Variants in NTM observed in about 807,000 individuals in gnomAD.
NTM encodes the protein neurotrimin.
A neutral mutation model predicts 42.1 loss-of-function variants in NTM; 13 were observed. That is an observed-to-expected ratio of 0.31 (90% CI 0.20 to 0.49). The LOEUF (loss-of-function observed/expected upper bound fraction) is 0.49. Ranked by LOEUF, NTM falls within the 20% of genes least tolerant of loss-of-function variation. The pLI is 0.99. For missense variants in NTM, 373 were observed against 452.8 expected, an observed-to-expected ratio of 0.82 and a Z score of 1.60; for synonymous variants, 187 against 179.2, an observed-to-expected ratio of 1.04 and a Z score of -0.35.
intron 1 of NTM, among the ~76,000 whole-genome samples, chr11:131,478,826 C>G (rs887669804): frequency 6.6e-6 from 1 of 152,252 alleles, no homozygotes; most frequent in Non-Finnish European, 1.5e-5. Context: ...GGCATCTCAG[C>G]TCTGTGAAAG....
chr11:131,829,550 T>C (rs2042551623), intron 1 of NTM, among the ~76,000 whole-genome samples: 1 of 152,206 alleles, frequency 6.6e-6, no homozygotes, highest in Non-Finnish European at 1.5e-5. Flanking sequence ...TATTCCATGG[T>C]GTATATGTAC....
At chr11:131,797,191 T>C (rs1287981387) in intron 1 of NTM, among the ~76,000 whole-genome samples, 2 of 152,210 alleles carry the variant, frequency 1.3e-5, no homozygotes, top group Non-Finnish European at 2.9e-5. Context: ...GTGAGGTATG[T>C]TTTTCGTTGT....
At chr11:132,312,817 A>G (rs1203406621) in intron 6 of NTM, 2 of 154,668 alleles carry the variant, frequency 1.3e-5, no homozygotes, top group Non-Finnish European at 2.9e-5. Flanking sequence ...TAGAGGATCA[A>G]TGTATACATA....
At chr11:131,596,481 C>T (rs911248906) in intron 1 of NTM, among the ~76,000 whole-genome samples, 9 of 152,334 alleles carry the variant, frequency 5.9e-5, no homozygotes, top group African/African-American at 1.7e-4. Flanking sequence ...GGCCCAAGGC[C>T]CATGGTCTGC....
intron 1 of NTM, among the ~76,000 whole-genome samples, chr11:131,699,113 C>G (rs1447776700): frequency 1.3e-5 from 2 of 152,202 alleles, no homozygotes; most frequent in African/African-American, 2.4e-5. Context: ...TATACCTTAA[C>G]AACGTTAACT....
At chr11:131,839,275 G>C (rs973473278) in intron 1 of NTM, among the ~76,000 whole-genome samples, 1 of 152,176 alleles carries the variant, frequency 6.6e-6, no homozygotes, top group African/African-American at 2.4e-5. Context: ...ATATTTTAAG[G>C]TAAGTGGTTA....
intron 1 of NTM, among the ~76,000 whole-genome samples, chr11:131,694,107 T>C (rs1329533095): frequency 1.3e-5 from 2 of 152,210 alleles, no homozygotes; most frequent in Non-Finnish European, 2.9e-5. Flanking sequence ...CCTGCCAAGG[T>C]TGCTGTGAAG....
intron 1 of NTM, among the ~76,000 whole-genome samples, chr11:131,515,184 G>A (rs2048740020): frequency 6.6e-6 from 1 of 152,092 alleles, no homozygotes; most frequent in Non-Finnish European, 1.5e-5. Flanking sequence ...CAAAGTGTTG[G>A]GATTATAGGC....
At chr11:131,533,860 A>C (rs769411531) in intron 1 of NTM, 2 of 152,230 alleles carry the variant, frequency 1.3e-5, no homozygotes, top group Non-Finnish European at 2.9e-5. Context: ...GATATCTAAG[A>C]ACTAGAAGTG....
chr11:131,931,468 C>CGTGTGTGTGTGTGTGTGTGT (rs147069139), intron 2 of NTM, among the ~76,000 whole-genome samples: 2 of 142,604 alleles, frequency 1.4e-5, no homozygotes, highest in South Asian at 2.3e-4. Flanking sequence ...ATAATATATA[C>CGTGTGTGTGTGTGTGTGTGT]GTGTGTGTGT....
chr11:131,809,504 G>A (rs902274150), intron 1 of NTM, among the ~76,000 whole-genome samples: 1 of 152,210 alleles, frequency 6.6e-6, no homozygotes, highest in Non-Finnish European at 1.5e-5. Flanking sequence ...GTACCAGGGA[G>A]CATGGGAGAG....
At chr11:132,327,411 G>T (rs993332548) in intron 7 of NTM, among the ~76,000 whole-genome samples, 1 of 152,368 alleles carries the variant, frequency 6.6e-6, no homozygotes, top group African/African-American at 2.4e-5. Flanking sequence ...GGAAACAATT[G>T]CAGCAGAAGA....
rs563327593 is a variant in NTM at position 132,003,179 on chromosome 11, G to A, written c.167+91531G>A. ...TTCTGAGCCAGAGTTATTTCGCTCT[G>A]CCAGTGGTGCACTTCAGAAACACCT... On this transcript the variant is annotated intron_variant, in intron 2 of 8. Coordinates refer to ENST00000683400, the MANE Select transcript of NTM (RefSeq NM_001352005.2). The surrounding 1 kb of genome is among the most constrained non-coding windows in gnomAD (Gnocchi z 6.0). 6.6e-6 allele frequency among the ~76,000 whole-genome samples: 1 copy of A among 151,986 alleles called. No individual in the cohort carries two copies. Among genetic ancestry groups the A allele is most frequent in the Admixed American group, 6.5e-5 (1 of 15,282 alleles).
chr11:131,379,681 AC>A (rs1942408223), intron 1 of NTM, among the ~76,000 whole-genome samples: 1 of 152,196 alleles, frequency 6.6e-6, no homozygotes, highest in African/African-American at 2.4e-5. Context: ...TAATTCTACT[AC>A]CCACAGGACT....
chr11:132,173,946 G>A (rs965401437), intron 3 of NTM, among the ~76,000 whole-genome samples: 1 of 152,184 alleles, frequency 6.6e-6, no homozygotes, highest in Admixed American at 6.5e-5. Flanking sequence ...ACAAAAACCA[G>A]TTCAGAACAC....
chr11:131,954,677 G>A (rs887164854), intron 2 of NTM, among the ~76,000 whole-genome samples: 2 of 152,084 alleles, frequency 1.3e-5, no homozygotes, highest in African/African-American at 2.4e-5. Context: ...GTTTTAGGGA[G>A]CAGTGATAAG....
intron 1 of NTM, among the ~76,000 whole-genome samples, chr11:131,834,665 G>A (rs185148288): frequency 1.0e-4 from 13 of 126,980 alleles, no homozygotes; most frequent in Admixed American, 5.1e-4. Context: ...TCACAGCAAC[G>A]CAGTGGGATA....
chr11:132,048,779 A>G (rs1271307895), intron 2 of NTM, among the ~76,000 whole-genome samples: 1 of 151,856 alleles, frequency 6.6e-6, no homozygotes, highest in East Asian at 1.9e-4. Flanking sequence ...AAACTAACAA[A>G]AACACCAGAA....
chr11:131,735,213 T>C lies in NTM; in HGVS notation c.83-176351T>C, dbSNP rs548365839. Reference sequence around the variant, plus strand: ...GAAAACTATTTCTCCTCTGGCTAGATGTTGGCAAAGCTCCAAGGCACTCTT... The same window carrying C: ...GAAAACTATTTCTCCTCTGGCTAGACGTTGGCAAAGCTCCAAGGCACTCTT... On this transcript the variant is annotated intron_variant, in intron 1 of 8. Transcript: ENST00000683400. Among the ~76,000 whole-genome samples the C allele has an allele frequency of 4.6e-5, 7 of 152,304 alleles. 1 individual carries two copies. The South Asian group carries it at 1.2e-3, about 27-fold the overall frequency.
Sources: gnomAD v4.1 joint callset for allele counts (sites outside exome capture counted in the v4.1 genomes callset) on GRCh38, gnomAD v4.1.1 for gene constraint, Gnocchi (gnomAD v3.1) non-coding constraint, MANE v1.5 for transcripts, NCBI Gene and HGNC (gene_info 2026-07-23, HGNC 2026-07-21) for gene names.